DHX35: variants seen among roughly 807,000 people sequenced by gnomAD.
The protein encoded by DHX35 is probable ATP-dependent RNA helicase DHX35.
A neutral mutation model predicts 99.6 loss-of-function variants in DHX35; 84 were observed. The observed-to-expected ratio is 0.84, with a 90% CI of 0.71 to 1.01. The LOEUF (loss-of-function observed/expected upper bound fraction) is 1.01. Among genes scored for constraint, DHX35 ranks in the 50% least tolerant of loss-of-function variants. DHX35 has a pLI of 0.00. For synonymous variants in DHX35, 331 were observed against 316.2 expected (o/e 1.05, Z -0.50); for missense variants, 852 against 888.5 (o/e 0.96, Z 0.52).
intron 21 of DHX35, 82 bp from the exon 22 acceptor site, chr20:39,038,417 G>A: frequency 7.0e-7 from 1 of 1,430,024 alleles, no homozygotes; most frequent in African/African-American, 1.4e-5. Context: ...GATTTGATGT[G>A]GTCATTCATA....
chr20:39,030,478 G>A (rs117308854), intron 19 of DHX35: 158 of 539,624 alleles, frequency 2.9e-4, no homozygotes, highest in Middle Eastern at 9.9e-4. Flanking sequence ...AAGTGTCCGC[G>A]TGTTGCTTTT....
At chr20:38,974,161 A>G (rs1601366966) in intron 3 of DHX35, among the ~76,000 whole-genome samples, 1 of 152,222 alleles carries the variant, frequency 6.6e-6, no homozygotes, top group South Asian at 2.1e-4. Context: ...CAAGTAAACA[A>G]TATGACAAGC....
chr20:38,983,331 G>A (rs2086202008), intron 3 of DHX35, among the ~76,000 whole-genome samples: 1 of 152,192 alleles, frequency 6.6e-6, no homozygotes, highest in African/African-American at 2.4e-5. Context: ...TTTATGTTGA[G>A]CCATCTCTAT....
chr20:39,034,368 T>C (rs762925370), intron 21 of DHX35, 51 bp downstream of exon 21: 3 of 1,444,232 alleles, frequency 2.1e-6, no homozygotes, highest in Non-Finnish European at 2.9e-6. Context: ...AGCCTCTCCA[T>C]GTTTTTAAAT....
At position 39,025,342 on chromosome 20, in the gene DHX35, C is replaced by T. The variant is rs1360551182; in HGVS notation, c.1784C>T (p.Pro595Leu). Residue 595 changes from proline (P) to leucine (L), a missense_variant, in exon 18 of 22, where the codon CCC becomes CTC. Pro to Leu is a moderately conservative substitution (Grantham distance 98). Transcript: ENST00000252011. ...LKKLLVKFQV[P>L]RKSSEGDPDL... is the part of the protein sequence containing the mutation. ...AAGCTTCTTGTCAAGTTTCAAGTGC[C>T]CAGGAAGTCTAGTGAAGGTGAGAAG... 2 of 1,613,664 alleles carry T rather than the reference C, an allele frequency of 1.2e-6. No homozygotes were observed. The highest frequency in any genetic ancestry group is 1.1e-5 in the South Asian group (1 of 91,012).
In DHX35 at chr20:39,010,311, G is replaced by A. The variant is rs777631152; in HGVS notation, c.1254G>A (p.Thr418=). The A allele has an allele frequency of 3.1e-6, 5 of 1,613,946 alleles. No individual in the cohort carries two copies. The Admixed American group carries it at 8.3e-5, about 27-fold the overall frequency. Reference sequence around the variant, plus strand: ...CCTTTGACAAGTTGCCTCAGTCTACGGTTCCTGAGATGCAGCGTAGTAATT... The same window carrying A: ...CCTTTGACAAGTTGCCTCAGTCTACAGTTCCTGAGATGCAGCGTAGTAATT... ...EEAFDKLPQS[T]VPEMQRSNLA... Residue 418 remains threonine (T), a synonymous_variant, in exon 13 of 22, where the codon ACG becomes ACA. Coordinates refer to ENST00000252011, the MANE Select transcript of DHX35 (RefSeq NM_021931.4).
intron 8 of DHX35, among the ~76,000 whole-genome samples, chr20:38,995,385 G>A (rs1042433589): frequency 2.6e-5 from 4 of 152,082 alleles, no homozygotes; most frequent in Non-Finnish European, 4.4e-5. Flanking sequence ...TTAGCTGGGC[G>A]TAGTAGTACA....
chr20:38,969,176 T>G lies in DHX35; in HGVS notation c.136T>G (p.Ser46Ala). ...TGTTTACAACCCTTATGCTGCCCTTTCCATAGAGCAGCAGAGGCAGAAGCT... is the reference window on the plus strand; with the variant it reads ...TGTTTACAACCCTTATGCTGCCCTTGCCATAGAGCAGCAGAGGCAGAAGCT... ...TVVYNPYAAL[S>A]IEQQRQKLPV... The change falls in exon 2 of 22, where the codon TCC becomes GCC. Residue 46 changes from serine to alanine, a missense_variant. Transcript: ENST00000252011. The G allele has an allele frequency of 3.1e-6, 5 of 1,612,974 alleles. No homozygotes were observed. Among genetic ancestry groups the G allele is most frequent in the Non-Finnish European group, 4.2e-6 (5 of 1,179,382 alleles).
intron 20 of DHX35, among the ~76,000 whole-genome samples, chr20:39,033,482 G>T (rs915831808): frequency 6.6e-6 from 1 of 152,152 alleles, no homozygotes; most frequent in East Asian, 1.9e-4. Context: ...TTGCAGGGGG[G>T]GCCCTTCTTT....
At chr20:38,972,349 A>G (rs531925943) in intron 2 of DHX35, among the ~76,000 whole-genome samples, 86 of 152,262 alleles carry the variant, frequency 5.6e-4, no homozygotes, top group African/African-American at 2.0e-3. Context: ...GGGCGTATGC[A>G]TTATGTATTT....
chr20:39,025,040 G>C (rs906315178), intron 17 of DHX35, among the ~76,000 whole-genome samples, 190 bp from the exon 18 acceptor site: 7 of 152,204 alleles, frequency 4.6e-5, no homozygotes, highest in Non-Finnish European at 7.3e-5. Context: ...TGAGGTTGCA[G>C]AGCAGTCAGA....
Position 39,014,951 on chromosome 20 carries a change from C to A in DHX35, c.1402+17C>A, listed in dbSNP as rs756609120. 9.0e-5 allele frequency: 146 copies of A among 1,613,826 alleles called. 1 individual carries two copies. The highest frequency in any genetic ancestry group is 5.8e-5 in the Non-Finnish European group (68 of 1,179,874). ...CTCTGGGAGGTATGCCAGTTTCTCTCATCATTCTCTCTTATTATGTGTTGT... is the reference window on the plus strand; with the variant it reads ...CTCTGGGAGGTATGCCAGTTTCTCTAATCATTCTCTCTTATTATGTGTTGT... On this transcript the variant is annotated intron_variant, in intron 14 of 21. Coordinates refer to ENST00000252011, the MANE Select transcript of DHX35 (RefSeq NM_021931.4).
At chr20:39,001,523 C>T (rs371678872) in intron 8 of DHX35, among the ~76,000 whole-genome samples, 3 of 152,176 alleles carry the variant, frequency 2.0e-5, no homozygotes, top group East Asian at 1.9e-4. Context: ...TTAGTAAAGA[C>T]ACTGTCATTG....
intron 15 of DHX35, 70 bp from the exon 16 acceptor site, chr20:39,021,771 T>A: frequency 2.8e-6 from 4 of 1,438,382 alleles, no homozygotes; most frequent in Non-Finnish European, 3.9e-6. Flanking sequence ...AAGGAAAGTA[T>A]CAGAAAATGT....
chr20:39,023,592 ATCCTCCCACCTTAGCC>A (rs1296228080), intron 16 of DHX35, 82 bp from the exon 17 acceptor site: 11 of 1,150,476 alleles, frequency 9.6e-6, no homozygotes, highest in Middle Eastern at 2.3e-4. Context: ...GGTTCAGGCA[ATCCTCCCACCTTAGCC>A]TCACCAAATG....
chr20:38,969,000 C>A, intron 1 of DHX35, 81 bp from the exon 2 acceptor site: 2 of 1,413,576 alleles, frequency 1.4e-6, no homozygotes, highest in East Asian at 4.7e-5. Context: ...TGTATATCTT[C>A]ATCTTTGAAA....
chr20:38,965,265 C>A (rs1204741689), intron 1 of DHX35, among the ~76,000 whole-genome samples: 3 of 152,198 alleles, frequency 2.0e-5, no homozygotes, highest in Non-Finnish European at 4.4e-5. Flanking sequence ...ATTAAACAGT[C>A]ACAGTATCTC....
chr20:39,036,720 T>TC (rs1301178255), intron 21 of DHX35, among the ~76,000 whole-genome samples: 3 of 55,290 alleles, frequency 5.4e-5, no homozygotes, highest in Non-Finnish European at 9.3e-5. Context: ...AGCAAGACTG[T>TC]CCCCCCAAAA....
chr20:39,015,213 C>G (rs950699859), intron 14 of DHX35, among the ~76,000 whole-genome samples: 1 of 152,178 alleles, frequency 6.6e-6, no homozygotes, highest in Non-Finnish European at 1.5e-5. Flanking sequence ...GTCTAGAGAT[C>G]AGCAGTTCCC....
Sources: allele counts gnomAD v4.1 joint callset (sites outside exome capture counted in the v4.1 genomes callset), GRCh38; gene constraint gnomAD v4.1.1; transcripts MANE v1.5; gene names NCBI Gene and HGNC (gene_info 2026-07-23, HGNC 2026-07-21).